The following NDUFA10 variants were observed in gnomAD, a reference collection of about 807,000 sequenced individuals.
The protein encoded by NDUFA10 is NADH:ubiquinone oxidoreductase subunit A10, also known as NADH dehydrogenase [ubiquinone] 1 alpha subcomplex subunit 10, mitochondrial.
Under a neutral mutation model 47.8 loss-of-function variants are expected in NDUFA10, and 40 were observed. The observed-to-expected ratio is 0.84, with a 90% CI of 0.65 to 1.09. The LOEUF is 1.09. Ranked by LOEUF, NDUFA10 falls within the 50% of genes least tolerant of loss-of-function variation. The pLI, the probability that NDUFA10 is intolerant of heterozygous loss-of-function variation, is 0.00. For missense variants in NDUFA10, 413 were observed against 451.1 expected, an observed-to-expected ratio of 0.92 and a Z score of 0.76; for synonymous variants, 183 against 172.2, an observed-to-expected ratio of 1.06 and a Z score of -0.49.
At chr2:239,979,828 G>A (rs1172721029) in intron 9 of NDUFA10, among the ~76,000 whole-genome samples, 4 of 152,084 alleles carry the variant, frequency 2.6e-5, no homozygotes, top group East Asian at 1.9e-4. Context: ...TGGCAGCTGC[G>A]GACCCCGGCT....
At chr2:239,918,912 C>T (rs1693921609) in intron 4 of NDUFA10, among the ~76,000 whole-genome samples, 1 of 152,222 alleles carries the variant, frequency 6.6e-6, no homozygotes, top group Non-Finnish European at 1.5e-5. Flanking sequence ...GTTCACCCTC[C>T]TCCTGCTCGT....
intron 9 of NDUFA10, among the ~76,000 whole-genome samples, chr2:239,972,999 T>C (rs1184678823): frequency 6.6e-6 from 1 of 152,186 alleles, no homozygotes; most frequent in African/African-American, 2.4e-5. Flanking sequence ...AGCAATCACA[T>C]ACAAACCAAT....
At chr2:239,897,260 G>C (rs1407426973) in intron 4 of NDUFA10, among the ~76,000 whole-genome samples, 1 of 152,080 alleles carries the variant, frequency 6.6e-6, no homozygotes, top group Non-Finnish European at 1.5e-5. Flanking sequence ...CATTGCAGTA[G>C]CTAATTATTC....
intron 9 of NDUFA10, among the ~76,000 whole-genome samples, chr2:239,972,651 A>G (rs976160757): frequency 1.3e-5 from 2 of 152,212 alleles, no homozygotes; most frequent in Non-Finnish European, 2.9e-5. Context: ...TTCAAAAACC[A>G]TATTTTTATT....
intron 4 of NDUFA10, among the ~76,000 whole-genome samples, chr2:239,910,266 G>C (rs955242948): frequency 2.0e-5 from 3 of 152,192 alleles, no homozygotes; most frequent in Admixed American, 6.5e-5. Context: ...ACATGCACGT[G>C]TATGTTCACT....
intron 9 of NDUFA10, among the ~76,000 whole-genome samples, chr2:239,961,772 C>A (rs1459016983): frequency 6.6e-6 from 1 of 152,304 alleles, no homozygotes; most frequent in East Asian, 1.9e-4. Context: ...CAGGACTGAC[C>A]CTAGCGGGAG....
At chr2:240,005,819 T>G (rs1331746255) in intron 7 of NDUFA10, among the ~76,000 whole-genome samples, 1 of 152,044 alleles carries the variant, frequency 6.6e-6, no homozygotes, top group African/African-American at 2.4e-5. Context: ...AGGGATCAAG[T>G]AGGACAGACA....
chr2:239,960,403 T>C lies in NDUFA10; in HGVS notation c.*715A>G. Reference sequence around the variant, plus strand: ...GAGAGTATATTATTTTGCTTTTGCATCTTATGTCATCAACAGCCTAAGCTC... The same window carrying C: ...GAGAGTATATTATTTTGCTTTTGCACCTTATGTCATCAACAGCCTAAGCTC... On this transcript the variant is annotated 3_prime_UTR_variant, in exon 10 of 10. Coordinates refer to ENST00000252711, the MANE Select transcript of NDUFA10 (RefSeq NM_004544.4). 1 of 986,342 alleles carries C rather than the reference T, an allele frequency of 1.0e-6. No homozygotes were observed. The highest frequency in any genetic ancestry group is 1.2e-6 in the Non-Finnish European group (1 of 830,570). 61.1% of individuals were successfully genotyped at this position (986,342 alleles called of 1,614,324 possible).
At chr2:239,894,648 C>G (rs141726956) in intron 5 of NDUFA10, among the ~76,000 whole-genome samples, 4 of 152,094 alleles carry the variant, frequency 2.6e-5, no homozygotes, top group African/African-American at 7.2e-5. Flanking sequence ...ACAGTCCCCA[C>G]GCCAGCTTCT....
chr2:239,914,205 T>TAC (rs201553510), intron 4 of NDUFA10, among the ~76,000 whole-genome samples: 1 of 127,590 alleles, frequency 7.8e-6, no homozygotes, highest in Non-Finnish European at 1.6e-5. Flanking sequence ...CACACAAATA[T>TAC]AGACACACAC....
chr2:240,014,508 G>T, intron 5 of NDUFA10: 1 of 583,800 alleles, frequency 1.7e-6, no homozygotes, highest in Admixed American at 2.6e-5. Context: ...GGACCACAGT[G>T]GGACCGCAGA....
intron 2 of NDUFA10, among the ~76,000 whole-genome samples, 174 bp downstream of exon 2, chr2:240,021,995 TTTC>T (rs1194959607): frequency 2.0e-5 from 3 of 152,218 alleles, no homozygotes; most frequent in African/African-American, 7.2e-5. Context: ...AAAACAGCTT[TTTC>T]TTGTTTCGTT....
intron 6 of NDUFA10, among the ~76,000 whole-genome samples, chr2:240,011,061 G>A (rs753752881): frequency 4.6e-5 from 7 of 152,254 alleles, no homozygotes; most frequent in East Asian, 3.9e-4. Context: ...CCCAAGGAGC[G>A]CAGAATGACA....
chr2:239,911,232 C>T (rs755608635), intron 4 of NDUFA10, among the ~76,000 whole-genome samples: 3 of 152,222 alleles, frequency 2.0e-5, no homozygotes, highest in African/African-American at 7.2e-5. Context: ...TCCTGGCTCA[C>T]ACCCTGACCT....
chr2:240,001,521 G>A (rs1696715918), intron 8 of NDUFA10, among the ~76,000 whole-genome samples: 2 of 152,342 alleles, frequency 1.3e-5, no homozygotes, highest in South Asian at 4.1e-4. Context: ...GGCTCAGAGA[G>A]GTTAGGCCCC....
chr2:239,938,365 C>G (rs1480619270), intron 4 of NDUFA10, among the ~76,000 whole-genome samples: 1 of 152,252 alleles, frequency 6.6e-6, no homozygotes, highest in Non-Finnish European at 1.5e-5. Context: ...ACAGACCTCA[C>G]CTGCACTGAG....
Position 239,949,720 on chromosome 2 carries a change from G to A in NDUFA10, c.294+40354C>T, listed in dbSNP as rs145974520. On this transcript the variant is annotated intron_variant, in intron 4 of 5. Coordinates refer to the NDUFA10 transcript ENST00000419408. ...GCTGGTCTCCAACTCAGCCTCAAGCGATCCTCCCACCTCAGCCTCCCAAAG... is the reference window on the plus strand; with the variant it reads ...GCTGGTCTCCAACTCAGCCTCAAGCAATCCTCCCACCTCAGCCTCCCAAAG... Among the ~76,000 whole-genome samples, 511 of 151,824 alleles carry A rather than the reference G, an allele frequency of 3.4e-3. 3 individuals carry two copies. The highest frequency in any genetic ancestry group is 5.1e-3 in the Non-Finnish European group (345 of 67,936).
intron 5 of NDUFA10, chr2:240,012,018 T>G: frequency 2.8e-6 from 1 of 362,392 alleles, no homozygotes; most frequent in Admixed American, 3.9e-5. Flanking sequence ...CGTGCCTGAG[T>G]GCAGGAATGA....
At chr2:239,963,517 G>A (rs1399551277) in intron 9 of NDUFA10, among the ~76,000 whole-genome samples, 2 of 152,210 alleles carry the variant, frequency 1.3e-5, no homozygotes, top group Non-Finnish European at 2.9e-5. Context: ...GAGCAGTGAC[G>A]GGCACCTGGG....
Sources: allele counts gnomAD v4.1 joint callset (sites outside exome capture counted in the v4.1 genomes callset), GRCh38; gene constraint gnomAD v4.1.1; transcripts MANE v1.5; gene names NCBI Gene and HGNC (gene_info 2026-07-23, HGNC 2026-07-21).